PARD3: variants seen among roughly 807,000 people sequenced by gnomAD.
The protein encoded by PARD3 is partitioning defective 3 homolog.
In PARD3, 75 loss-of-function variants were observed where a neutral mutation model predicts 155.4. That is an observed-to-expected ratio of 0.48 (90% CI 0.40 to 0.58). PARD3 has a LOEUF of 0.58. Among genes scored for constraint, PARD3 ranks in the 20% least tolerant of loss-of-function variants. The pLI, the probability that PARD3 is intolerant of heterozygous loss-of-function variation, is 0.00. For missense variants in PARD3, 1,642 were observed against 1,721.7 expected, an observed-to-expected ratio of 0.95 and a Z score of 0.82; for synonymous variants, 576 against 610.5, an observed-to-expected ratio of 0.94 and a Z score of 0.83.
At chr10:34,205,825 G>T (rs906875369) in intron 22 of PARD3, among the ~76,000 whole-genome samples, 2 of 152,192 alleles carry the variant, frequency 1.3e-5, no homozygotes, top group African/African-American at 4.8e-5. Flanking sequence ...TGTGGCCATT[G>T]TAGTTGGCGG....
At chr10:34,328,490 CT>C (rs975871428) in intron 19 of PARD3, among the ~76,000 whole-genome samples, 2 of 152,032 alleles carry the variant, frequency 1.3e-5, no homozygotes, top group African/African-American at 4.8e-5. Context: ...CAAAAACACC[CT>C]TTTTAAAAAC....
intron 1 of PARD3, among the ~76,000 whole-genome samples, chr10:34,705,964 T>A (rs2094356412): frequency 1.3e-5 from 2 of 152,190 alleles, no homozygotes; most frequent in Non-Finnish European, 2.9e-5. Context: ...TTCAATAATA[T>A]GAGAAATCAG....
At chr10:34,796,449 G>C (rs1316367727) in intron 1 of PARD3, among the ~76,000 whole-genome samples, 1 of 152,030 alleles carries the variant, frequency 6.6e-6, no homozygotes, top group African/African-American at 2.4e-5. Flanking sequence ...ATATAAACTA[G>C]GGTTCAAAAA....
chr10:34,215,107 T>C (rs899943080), intron 22 of PARD3, among the ~76,000 whole-genome samples: 1 of 152,182 alleles, frequency 6.6e-6, no homozygotes, highest in Non-Finnish European at 1.5e-5. Flanking sequence ...ACTTTGCCAA[T>C]AAACGCTAAA....
intron 2 of PARD3, among the ~76,000 whole-genome samples, chr10:34,611,489 A>G (rs890438989): frequency 7.9e-5 from 12 of 152,206 alleles, no homozygotes; most frequent in Non-Finnish European, 1.5e-5. Flanking sequence ...AGACACATGC[A>G]GGAGTAATTT....
intron 2 of PARD3, among the ~76,000 whole-genome samples, chr10:34,626,676 C>T (rs2091994636): frequency 6.6e-6 from 1 of 152,176 alleles, no homozygotes; most frequent in Admixed American, 6.5e-5. Context: ...TGGATGCAAA[C>T]ATCTGAAAAT....
At chr10:34,580,733 G>A (rs896192358) in intron 2 of PARD3, among the ~76,000 whole-genome samples, 1 of 152,162 alleles carries the variant, frequency 6.6e-6, no homozygotes, top group African/African-American at 2.4e-5. Flanking sequence ...GCTTGGTCAC[G>A]TAAAGATTTC....
chr10:34,542,579 A>C (rs2083721214), intron 2 of PARD3, among the ~76,000 whole-genome samples: 1 of 152,192 alleles, frequency 6.6e-6, no homozygotes. Flanking sequence ...CCATCTGGTG[A>C]TCACTCCTGT....
intron 5 of PARD3, among the ~76,000 whole-genome samples, chr10:34,448,266 A>G (rs1294741633): frequency 6.6e-6 from 1 of 152,144 alleles, no homozygotes; most frequent in Non-Finnish European, 1.5e-5. Flanking sequence ...TTATGCTAAA[A>G]GAAATAAGCC....
chr10:34,456,812 T>C (rs1489736774), intron 4 of PARD3, among the ~76,000 whole-genome samples: 1 of 152,234 alleles, frequency 6.6e-6, no homozygotes, highest in Non-Finnish European at 1.5e-5. Flanking sequence ...AAAAATGAAC[T>C]ATATCATTCT....
intron 1 of PARD3, among the ~76,000 whole-genome samples, chr10:34,730,666 T>C (rs1302903955): frequency 3.3e-5 from 5 of 152,156 alleles, no homozygotes; most frequent in Non-Finnish European, 7.3e-5. Context: ...ATGCCTGTAG[T>C]CCTACCTGTA....
intron 2 of PARD3, among the ~76,000 whole-genome samples, chr10:34,656,505 C>T (rs552805515): frequency 1.3e-5 from 2 of 152,248 alleles, no homozygotes; most frequent in African/African-American, 4.8e-5. Context: ...TAAAGATGTT[C>T]GGAAGAAGGC....
At chr10:34,579,964 T>G (rs1387734944) in intron 2 of PARD3, among the ~76,000 whole-genome samples, 1 of 151,312 alleles carries the variant, frequency 6.6e-6, no homozygotes, top group Non-Finnish European at 1.5e-5. Context: ...CAGGCTGGAG[T>G]GCAGTGGTGC....
intron 2 of PARD3, among the ~76,000 whole-genome samples, chr10:34,628,928 T>C (rs1223071932): frequency 1.3e-5 from 2 of 152,186 alleles, no homozygotes; most frequent in Non-Finnish European, 2.9e-5. Flanking sequence ...ATTCCCTACA[T>C]CCTTCAAATA....
intron 2 of PARD3, among the ~76,000 whole-genome samples, chr10:34,534,221 G>A (rs896185890): frequency 6.6e-6 from 1 of 151,076 alleles, no homozygotes. Flanking sequence ...AGCAGAGATT[G>A]TGCCACTGCA....
rs1166422164 is a variant in PARD3, at chr10:34,502,707, C to G, written c.403+14272G>C. Among the ~76,000 whole-genome samples, 5 of 152,076 alleles carry G rather than the reference C, an allele frequency of 3.3e-5. No homozygotes were observed. In the East Asian group the frequency reaches 9.7e-4, roughly 29 times the overall value. ...TATAGTCCCAGCTACTGGGGAGGCT[C>G]AGAGAGAGGATTACTTGAGTATGGG... On this transcript the variant is annotated intron_variant, in intron 3 of 24. Coordinates refer to ENST00000374788, the MANE Select transcript of PARD3 (RefSeq NM_001184785.2).
At chr10:34,603,328 G>A (rs1357032293) in intron 2 of PARD3, among the ~76,000 whole-genome samples, 3 of 152,150 alleles carry the variant, frequency 2.0e-5, no homozygotes, top group Non-Finnish European at 4.4e-5. Context: ...TGTCCCTGAT[G>A]GCATCTGCCC....
intron 1 of PARD3, among the ~76,000 whole-genome samples, chr10:34,771,963 A>G (rs1838927438): frequency 6.6e-6 from 1 of 152,218 alleles, no homozygotes; most frequent in African/African-American, 2.4e-5. Flanking sequence ...GTAAAAAGTC[A>G]TTTGTGGATC....
rs949129955 is a variant in PARD3 at position 34,393,602 on chromosome 10, A to T, written c.890+5728T>A. ...AAAAAAAAAAAGATCCAGAGAAGAA[A>T]ACTTTAGGCCAGGTACAGCCGCTCA... On this transcript the variant is annotated intron_variant, in intron 7 of 24. Coordinates refer to ENST00000374788, the MANE Select transcript of PARD3 (RefSeq NM_001184785.2). Among the ~76,000 whole-genome samples, 4 of 151,198 alleles carry T rather than the reference A, an allele frequency of 2.6e-5. No individual in the cohort carries two copies. The South Asian group carries it at 8.3e-4, about 31-fold the overall frequency.
Sources: allele counts gnomAD v4.1 joint callset (sites outside exome capture counted in the v4.1 genomes callset), GRCh38; gene constraint gnomAD v4.1.1; transcripts MANE v1.5; gene names NCBI Gene and HGNC (gene_info 2026-07-23, HGNC 2026-07-21).